Variants in STPG2 observed in about 807,000 individuals in gnomAD.
STPG2 encodes the protein sperm-tail PG-rich repeat-containing protein 2.
STPG2 carries 56 observed loss-of-function variants against 54.2 expected under a neutral mutation model. That is an observed-to-expected ratio of 1.03 (90% CI 0.83 to 1.29). STPG2 has a LOEUF of 1.29. Among genes scored for constraint, STPG2 ranks in the 50% most tolerant of loss-of-function variants. STPG2 has a pLI of 0.00. For missense variants in STPG2, 596 were observed against 544.9 expected (o/e 1.09, Z -0.93); for synonymous variants, 200 against 181.8 (o/e 1.10, Z -0.81).
chr4:97,920,314 A>G (rs1367592863), intron 8 of STPG2, among the ~76,000 whole-genome samples: 1 of 152,136 alleles, frequency 6.6e-6, no homozygotes, highest in Non-Finnish European at 1.5e-5. Context: ...TGTCTCTACA[A>G]CTTTGAGCTG....
Position 97,649,246 on chromosome 4 carries a change from G to A in STPG2, c.1320+63453C>T, listed in dbSNP as rs570014655. Among the ~76,000 whole-genome samples, 448 of 152,188 alleles carry A rather than the reference G, an allele frequency of 2.9e-3. 6 individuals carry two copies. Among genetic ancestry groups the A allele is most frequent in the Non-Finnish European group, 3.1e-3 (208 of 67,998 alleles). On this transcript the variant is annotated intron_variant, in intron 10 of 10. Coordinates refer to ENST00000295268, the MANE Select transcript of STPG2 (RefSeq NM_174952.3). ...AGTCAGGTAATTATTTCACCTTGTA[G>A]ACCTGTGGACCCAGAGTCCAGGTTA...
chr4:97,580,814 G>A (rs1378107167), intron 10 of STPG2, among the ~76,000 whole-genome samples: 5 of 151,970 alleles, frequency 3.3e-5, no homozygotes, highest in Admixed American at 3.3e-4. Context: ...TTGATGAAGA[G>A]TCTGATTCAT....
chr4:97,753,356 T>G (rs187811270), intron 9 of STPG2, among the ~76,000 whole-genome samples: 39 of 152,150 alleles, frequency 2.6e-4, no homozygotes, highest in African/African-American at 8.9e-4. Flanking sequence ...GTCTGGCTTA[T>G]TTCATTAAGC....
At chr4:97,636,034 A>G (rs1484823448) in intron 10 of STPG2, among the ~76,000 whole-genome samples, 3 of 152,160 alleles carry the variant, frequency 2.0e-5, no homozygotes, top group African/African-American at 7.2e-5. Context: ...TCAACAGAAT[A>G]TACATTTTTT....
intron 4 of STPG2, among the ~76,000 whole-genome samples, chr4:97,477,951 A>C (rs2148818970): frequency 6.6e-6 from 1 of 152,314 alleles, no homozygotes; most frequent in Non-Finnish European, 1.5e-5. Context: ...TTAACTAAAT[A>C]AAAATGCATC....
chr4:97,884,046 A>G (rs1448658956), intron 8 of STPG2, among the ~76,000 whole-genome samples: 1 of 152,134 alleles, frequency 6.6e-6, no homozygotes, highest in Non-Finnish European at 1.5e-5. Context: ...GGCAACTGCA[A>G]GGAGTCCACA....
At chr4:97,942,237 CTGTGA>C (rs1733015345) in intron 8 of STPG2, among the ~76,000 whole-genome samples, 1 of 151,124 alleles carries the variant, frequency 6.6e-6, no homozygotes, top group South Asian at 2.1e-4. Context: ...TTCCTACTAC[CTGTGA>C]TATTATGATA....
chr4:97,739,360 A>T (rs1346437771), intron 9 of STPG2, among the ~76,000 whole-genome samples: 22 of 152,218 alleles, frequency 1.4e-4, no homozygotes, highest in Admixed American at 8.5e-4. Flanking sequence ...AAATAACTAA[A>T]ATCAGAGCAG....
chr4:97,821,904 C>T (rs1728103323), intron 9 of STPG2, among the ~76,000 whole-genome samples: 1 of 152,200 alleles, frequency 6.6e-6, no homozygotes, highest in African/African-American at 2.4e-5. Context: ...CCAAAAAGAT[C>T]TCTGAAATGC....
intron 4 of STPG2, among the ~76,000 whole-genome samples, chr4:97,537,586 C>A (rs1731567223): frequency 6.6e-6 from 1 of 152,172 alleles, no homozygotes. Context: ...CTCAAGGAGG[C>A]CTGCCTGCTT....
chr4:97,504,263 AATGT>A (rs922948603), intron 4 of STPG2, among the ~76,000 whole-genome samples: 32 of 149,892 alleles, frequency 2.1e-4, no homozygotes, highest in Non-Finnish European at 4.3e-4. Flanking sequence ...ATTTCCTTAA[AATGT>A]ATCATAGAAT....
chr4:97,878,481 G>C (rs950127243), intron 8 of STPG2, among the ~76,000 whole-genome samples: 3 of 151,714 alleles, frequency 2.0e-5, no homozygotes, highest in Non-Finnish European at 4.4e-5. Flanking sequence ...TGCCCCTTTT[G>C]TGCAACCCAT....
intron 8 of STPG2, among the ~76,000 whole-genome samples, chr4:97,906,786 T>A (rs994087195): frequency 6.6e-6 from 1 of 152,130 alleles, no homozygotes; most frequent in Non-Finnish European, 1.5e-5. Context: ...TCTCAATAGA[T>A]GCAGAAAAGG....
intron 7 of STPG2, among the ~76,000 whole-genome samples, chr4:97,962,710 G>T (rs916951423): frequency 2.0e-5 from 3 of 152,164 alleles, no homozygotes; most frequent in African/African-American, 7.2e-5. Flanking sequence ...TTTTAGGTAT[G>T]TACTATTATG....
At chr4:97,980,193 A>T (rs983827285) in intron 6 of STPG2, among the ~76,000 whole-genome samples, 3 of 152,068 alleles carry the variant, frequency 2.0e-5, no homozygotes, top group African/African-American at 2.4e-5. Flanking sequence ...TGCCTCAAAA[A>T]TTTTTTTAAA....
chr4:97,952,023 C>A (rs868086396), intron 7 of STPG2, among the ~76,000 whole-genome samples: 1 of 152,086 alleles, frequency 6.6e-6, no homozygotes. Flanking sequence ...AATCCACATT[C>A]CAGACACACT....
chr4:97,482,751 T>C (rs1578333272), intron 4 of STPG2, among the ~76,000 whole-genome samples: 1 of 151,640 alleles, frequency 6.6e-6, no homozygotes, highest in South Asian at 2.1e-4. Context: ...CTAGGTACAC[T>C]GTCATCAGGT....
At chr4:97,512,613 G>A (rs1023623290) in intron 4 of STPG2, among the ~76,000 whole-genome samples, 1 of 151,818 alleles carries the variant, frequency 6.6e-6, no homozygotes, top group African/African-American at 2.4e-5. Flanking sequence ...GAAAATGAAT[G>A]GAAGAGAAGG....
chr4:97,490,514 C>T (rs1730481432), intron 4 of STPG2, among the ~76,000 whole-genome samples: 1 of 151,500 alleles, frequency 6.6e-6, no homozygotes, highest in African/African-American at 2.4e-5. Flanking sequence ...CTGTACATTC[C>T]CACTAAGTAA....
Sources: gnomAD v4.1 joint callset for allele counts (sites outside exome capture counted in the v4.1 genomes callset) on GRCh38, gnomAD v4.1.1 for gene constraint, MANE v1.5 for transcripts, NCBI Gene and HGNC (gene_info 2026-07-23, HGNC 2026-07-21) for gene names.